Variants in GRID2 observed in about 807,000 individuals in gnomAD.
GRID2 encodes glutamate ionotropic receptor delta type subunit 2.
In GRID2, 33 loss-of-function variants were observed where a neutral mutation model predicts 114.8. The observed-to-expected ratio is 0.29, with a 90% confidence interval of 0.22 to 0.38. The LOEUF (loss-of-function observed/expected upper bound fraction) is 0.38, where lower values mean the gene tolerates loss of function less well. Among genes scored for constraint, GRID2 ranks in the 10% least tolerant of loss-of-function variants. The pLI is 1.00. For synonymous variants in GRID2, 505 were observed against 449.9 expected, an observed-to-expected ratio of 1.12 and a Z score of -1.55; for missense variants, 1,184 against 1,257.7, an observed-to-expected ratio of 0.94 and a Z score of 0.89.
At chr4:93,283,058 C>T (rs1249323559) in intron 8 of GRID2, among the ~76,000 whole-genome samples, 2 of 152,044 alleles carry the variant, frequency 1.3e-5, no homozygotes, top group Non-Finnish European at 2.9e-5. Context: ...TTGGGAATCA[C>T]AGTTCAGCAT....
intron 2 of GRID2, among the ~76,000 whole-genome samples, chr4:92,962,396 G>C (rs984950416): frequency 3.3e-5 from 5 of 151,760 alleles, no homozygotes; most frequent in African/African-American, 1.2e-4. Context: ...ACCTTCACAA[G>C]TGCTTCTCTG....
Position 92,657,250 on chromosome 4 carries a change from T to A in GRID2, c.244+66964T>A, listed in dbSNP as rs1027528648. 1.4e-3 allele frequency among the ~76,000 whole-genome samples: 216 copies of A among 151,838 alleles called. 3 individuals are homozygous for A. Among genetic ancestry groups the A allele is most frequent in the African/African-American group, 4.9e-3 (205 of 41,524 alleles). The stretch of plus-strand genomic sequence containing the variant: ...CACATAATCTGTGTGAATCATTTAC[T>A]TGGATTCTTATTGTACTTATTTGTG... On this transcript the variant is annotated intron_variant, in intron 2 of 15. Coordinates refer to ENST00000282020, the MANE Select transcript of GRID2 (RefSeq NM_001510.4).
intron 9 of GRID2, among the ~76,000 whole-genome samples, chr4:93,417,340 T>A (rs1203774340): frequency 6.6e-6 from 1 of 152,146 alleles, no homozygotes; most frequent in African/African-American, 2.4e-5. Context: ...CCCTGTCAAG[T>A]AAATAGCAGA....
chr4:93,325,104 C>T (rs987772882), intron 8 of GRID2, among the ~76,000 whole-genome samples: 10 of 152,020 alleles, frequency 6.6e-5, no homozygotes, highest in South Asian at 2.1e-4. Context: ...GCTCTTGCTT[C>T]TCTAGTTCTT....
At chr4:92,794,901 T>C (rs1378997667) in intron 2 of GRID2, among the ~76,000 whole-genome samples, 50 of 136,714 alleles carry the variant, frequency 3.7e-4, no homozygotes, top group African/African-American at 1.1e-3. Flanking sequence ...TATATATATA[T>C]ATATACACAC....
chr4:93,380,519 A>G (rs1343678682), intron 8 of GRID2, among the ~76,000 whole-genome samples: 3 of 151,582 alleles, frequency 2.0e-5, no homozygotes, highest in East Asian at 1.9e-4. Context: ...TTCAATTTCA[A>G]TTAGGAAAAT....
chr4:93,212,072 G>A (rs1175397461), intron 5 of GRID2, among the ~76,000 whole-genome samples: 2 of 151,750 alleles, frequency 1.3e-5, no homozygotes, highest in Non-Finnish European at 2.9e-5. Flanking sequence ...AAAAAAACAT[G>A]GATTTCTCAA....
intron 7 of GRID2, among the ~76,000 whole-genome samples, chr4:93,236,881 A>G (rs886738208): frequency 6.6e-6 from 1 of 152,134 alleles, no homozygotes; most frequent in Non-Finnish European, 1.5e-5. Context: ...AACGATTTCT[A>G]AGAGAACTAA....
intron 1 of GRID2, among the ~76,000 whole-genome samples, chr4:92,316,741 C>G (rs1726003731): frequency 6.6e-6 from 1 of 152,036 alleles, no homozygotes; most frequent in African/African-American, 2.4e-5. Context: ...CAATAAATGC[C>G]ATTTTTATAG....
At chr4:93,426,101 A>G (rs933918793) in intron 10 of GRID2, among the ~76,000 whole-genome samples, 7 of 152,176 alleles carry the variant, frequency 4.6e-5, no homozygotes, top group Non-Finnish European at 8.8e-5. Flanking sequence ...GTAGAAATAA[A>G]AGGTTTCTTA....
At chr4:92,824,894 C>T (rs1415087818) in intron 2 of GRID2, among the ~76,000 whole-genome samples, 1 of 151,958 alleles carries the variant, frequency 6.6e-6, no homozygotes, top group African/African-American at 2.4e-5. Flanking sequence ...AACTATTAAA[C>T]ACATTGATGC....
At chr4:92,513,890 A>G (rs892705703) in intron 1 of GRID2, among the ~76,000 whole-genome samples, 1 of 151,794 alleles carries the variant, frequency 6.6e-6, no homozygotes, top group Non-Finnish European at 1.5e-5. Flanking sequence ...CTCTAATTAG[A>G]AAGCATAGCA....
In GRID2 at chr4:93,799,264, TCAG is replaced by T. The variant is rs371286566; in HGVS notation, c.222-7447_222-7445del. Among the ~76,000 whole-genome samples, 548 of 152,290 alleles carry T rather than the reference TCAG, an allele frequency of 3.6e-3. 5 individuals are homozygous for T. Among genetic ancestry groups the T allele is most frequent in the African/African-American group, 0.012 (510 of 41,564 alleles). ...TTTATGTGACTCTAAATTGATTCTTTCAGCAGTCAACACATCTTTACTGAGGGC... is the reference window on the plus strand; with the variant it reads ...TTTATGTGACTCTAAATTGATTCTTTCAGTCAACACATCTTTACTGAGGGC... On this transcript the variant is annotated intron_variant, in intron 1 of 1. Coordinates refer to the GRID2 transcript ENST00000637838.
chr4:92,522,576 T>C (rs1189341909), intron 1 of GRID2, among the ~76,000 whole-genome samples: 1 of 151,958 alleles, frequency 6.6e-6, no homozygotes, highest in East Asian at 1.9e-4. Context: ...TAATCATCTC[T>C]AGCTGATAGT....
Position 92,679,920 on chromosome 4 carries a change from A to C in GRID2, c.244+89634A>C, listed in dbSNP as rs1466894457. Among the ~76,000 whole-genome samples the C allele has an allele frequency of 2.0e-5, 3 of 151,900 alleles. No individual in the cohort carries two copies. The East Asian group carries it at 5.8e-4, about 29-fold the overall frequency. ...CTTCCTAGATGTTAAATTGACTGAA[A>C]AAAAAAAACATATCAAAGAAGCAGA... On this transcript the variant is annotated intron_variant, in intron 2 of 15. Coordinates refer to ENST00000282020, the MANE Select transcript of GRID2 (RefSeq NM_001510.4).
At chr4:92,383,042 C>A (rs1472110841) in intron 1 of GRID2, among the ~76,000 whole-genome samples, 1 of 151,924 alleles carries the variant, frequency 6.6e-6, no homozygotes, top group African/African-American at 2.4e-5. Flanking sequence ...CAGCACTTCA[C>A]ATGGCCAGAA....
chr4:92,455,092 T>C (rs935849314), intron 1 of GRID2, among the ~76,000 whole-genome samples: 2 of 152,224 alleles, frequency 1.3e-5, no homozygotes, highest in African/African-American at 4.8e-5. Flanking sequence ...TGTAAATTTC[T>C]ATTCATTAAA....
chr4:92,924,888 C>T (rs1286396805), intron 2 of GRID2, among the ~76,000 whole-genome samples: 1 of 152,046 alleles, frequency 6.6e-6, no homozygotes, highest in Non-Finnish European at 1.5e-5. Context: ...AATGTGGAAG[C>T]TGTTAATGTG....
At chr4:93,679,011 G>C (rs1240674579) in intron 14 of GRID2, among the ~76,000 whole-genome samples, 1 of 151,180 alleles carries the variant, frequency 6.6e-6, no homozygotes, top group African/African-American at 2.5e-5. Context: ...AGACCCATCA[G>C]TGTGCTGTAT....
Sources: gnomAD v4.1 joint callset for allele counts (sites outside exome capture counted in the v4.1 genomes callset) on GRCh38, gnomAD v4.1.1 for gene constraint, MANE v1.5 for transcripts, NCBI Gene and HGNC (gene_info 2026-07-23, HGNC 2026-07-21) for gene names.